The following ETFA variants were observed in gnomAD, a reference collection of about 807,000 sequenced individuals.
ETFA encodes the protein electron transfer flavoprotein subunit alpha, mitochondrial.
In ETFA, 22 loss-of-function variants were observed where a neutral mutation model predicts 46.2. The ratio of observed to expected loss-of-function variants is 0.48; its 90% CI spans 0.34 to 0.68. The LOEUF (loss-of-function observed/expected upper bound fraction) is 0.68. Among genes scored for constraint, ETFA ranks in the 30% least tolerant of loss-of-function variants. The pLI is 0.01. For missense variants in ETFA, 345 were observed against 401.1 expected, an observed-to-expected ratio of 0.86 and a Z score of 1.19; for synonymous variants, 131 against 139.9, an observed-to-expected ratio of 0.94 and a Z score of 0.45.
At chr15:76,257,765 A>G (rs1218730743) in intron 9 of ETFA, among the ~76,000 whole-genome samples, 1 of 151,986 alleles carries the variant, frequency 6.6e-6, no homozygotes, top group African/African-American at 2.4e-5. Flanking sequence ...CTTGGAACCA[A>G]CCCAAATGTC....
intron 5 of ETFA, among the ~76,000 whole-genome samples, chr15:76,287,020 T>C (rs1185142882): frequency 2.6e-5 from 4 of 151,912 alleles, no homozygotes. Flanking sequence ...TTATGGAAGA[T>C]GAAAAGTCTA....
intron 9 of ETFA, among the ~76,000 whole-genome samples, chr15:76,244,563 T>C (rs1235901096): frequency 6.6e-6 from 1 of 152,174 alleles, no homozygotes; most frequent in Non-Finnish European, 1.5e-5. Flanking sequence ...CAATTATCCA[T>C]TGAATCAACA....
intron 10 of ETFA, chr15:76,226,279 T>C (rs1443379309): frequency 4.2e-6 from 1 of 239,438 alleles, no homozygotes; most frequent in Admixed American, 5.2e-5. Context: ...CCTTCATTTA[T>C]TATTTTAAAA....
chr15:76,267,843 C>G (rs2039487019), intron 9 of ETFA, among the ~76,000 whole-genome samples: 1 of 152,040 alleles, frequency 6.6e-6, no homozygotes, highest in African/African-American at 2.4e-5. Flanking sequence ...ATACAAAAAG[C>G]TGGGAAAAAG....
chr15:76,260,590 T>A (rs535962083), intron 9 of ETFA: 1 of 1,510,184 alleles, frequency 6.6e-7, no homozygotes, highest in South Asian at 1.2e-5. Context: ...CCCTCCATTG[T>A]CAGCTCATCC....
chr15:76,311,435 C>A lies in ETFA; in HGVS notation c.-47G>T. ...CTCGGCCTTACAGCAGCCCCGTGCC[C>A]GGCCAACTGGCGCCGCCTCAGCCAG... On this transcript the variant is annotated 5_prime_UTR_variant, in exon 1 of 12. Transcript: ENST00000557943. 6 of 1,545,114 alleles carry A rather than the reference C, an allele frequency of 3.9e-6. No individual in the cohort carries two copies. The highest frequency in any genetic ancestry group is 5.2e-6 in the Non-Finnish European group (6 of 1,146,696).
chr15:76,280,649 T>C (rs142268354), intron 8 of ETFA, among the ~76,000 whole-genome samples: 24 of 152,332 alleles, frequency 1.6e-4, no homozygotes, highest in Non-Finnish European at 7.3e-5. Context: ...GTTCCCCATT[T>C]CATTCAGAGA....
chr15:76,294,700 T>C (rs2039800492), intron 2 of ETFA, among the ~76,000 whole-genome samples: 1 of 152,068 alleles, frequency 6.6e-6, no homozygotes, highest in African/African-American at 2.4e-5. Flanking sequence ...CAGGCATGCA[T>C]CACCACACTG....
In ETFA at chr15:76,303,240, G is replaced by C. The variant is rs758500883; in HGVS notation, c.40-7503C>G. On this transcript the variant is annotated intron_variant, in intron 1 of 11. Coordinates refer to ENST00000557943, the MANE Select transcript of ETFA (RefSeq NM_000126.4). The stretch of plus-strand genomic sequence containing the variant: ...GGAGAATTGCTTGAACCCAGGAGGC[G>C]GAGGTTGCAGTGAGCCAAGATTGCA... 2.6e-5 allele frequency among the ~76,000 whole-genome samples: 4 copies of C among 152,152 alleles called. 1 individual carries two copies. In the South Asian group the frequency reaches 8.3e-4, roughly 32 times the overall value.
intron 4 of ETFA, among the ~76,000 whole-genome samples, chr15:76,291,088 T>C (rs1275223481): frequency 1.2e-4 from 19 of 152,186 alleles, no homozygotes; most frequent in Admixed American, 1.2e-3. Flanking sequence ...TGGTGGCATG[T>C]ACCTGTAGTC....
chr15:76,301,093 G>A (rs1319827180), intron 1 of ETFA, among the ~76,000 whole-genome samples: 1 of 152,186 alleles, frequency 6.6e-6, no homozygotes, highest in Non-Finnish European at 1.5e-5. Context: ...ATCTCATAGA[G>A]TTGTTGTGAG....
chr15:76,274,375 T>C (rs747736476), intron 9 of ETFA, 37 bp downstream of exon 9: 3 of 1,459,334 alleles, frequency 2.1e-6, no homozygotes, highest in Non-Finnish European at 9.5e-7. Flanking sequence ...CTTATCCCCA[T>C]AACATTTTAC....
intron 9 of ETFA, among the ~76,000 whole-genome samples, chr15:76,254,658 T>C (rs1445394656): frequency 6.6e-6 from 1 of 152,170 alleles, no homozygotes; most frequent in Non-Finnish European, 1.5e-5. Context: ...TCTCTCACAG[T>C]GCGCAATGGA....
chr15:76,268,266 T>C (rs1475174132), intron 9 of ETFA, among the ~76,000 whole-genome samples: 1 of 151,236 alleles, frequency 6.6e-6, no homozygotes, highest in African/African-American at 2.4e-5. Flanking sequence ...TTTGTACTTT[T>C]GCAGGAGATG....
At chr15:76,303,268 C>G (rs937161741) in intron 1 of ETFA, among the ~76,000 whole-genome samples, 21 of 152,108 alleles carry the variant, frequency 1.4e-4, no homozygotes, top group African/African-American at 4.6e-4. Context: ...AGATTGCACC[C>G]TTGCACTCCA....
Position 76,306,337 on chromosome 15 carries a change from G to T in ETFA, c.39+5013C>A, listed in dbSNP as rs1292263643. Among the ~76,000 whole-genome samples, 3 of 145,042 alleles carry T rather than the reference G, an allele frequency of 2.1e-5. No individual in the cohort carries two copies. The East Asian group carries it at 6.2e-4, about 30-fold the overall frequency. On this transcript the variant is annotated intron_variant, in intron 1 of 11. Transcript: ENST00000557943. ...ACTGCAGTGCAGTGGCGCGATCTCAGCTCACTCCAACCTCCGCCTCCTGGG... is the reference window on the plus strand; with the variant it reads ...ACTGCAGTGCAGTGGCGCGATCTCATCTCACTCCAACCTCCGCCTCCTGGG...
At chr15:76,228,451 G>A (rs1228947208) in intron 10 of ETFA, among the ~76,000 whole-genome samples, 15 of 152,140 alleles carry the variant, frequency 9.9e-5, no homozygotes, top group African/African-American at 2.9e-4. Context: ...CTCCCAAAGC[G>A]CTGGGATTAC....
chr15:76,306,269 T>TC (rs1356877451), intron 1 of ETFA, among the ~76,000 whole-genome samples: 4 of 76,762 alleles, frequency 5.2e-5, no homozygotes, highest in Non-Finnish European at 9.7e-5. Flanking sequence ...TTTTGCTTCT[T>TC]TTTTTTTTTT....
intron 11 of ETFA, among the ~76,000 whole-genome samples, chr15:76,221,673 A>G (rs770145100): frequency 6.6e-6 from 1 of 152,286 alleles, no homozygotes; most frequent in South Asian, 2.1e-4. Context: ...CTTCATTACA[A>G]CCTTTAAAGA....
Sources: allele counts gnomAD v4.1 joint callset (sites outside exome capture counted in the v4.1 genomes callset), GRCh38; gene constraint gnomAD v4.1.1; transcripts MANE v1.5; gene names NCBI Gene and HGNC (gene_info 2026-07-23, HGNC 2026-07-21).